The following ECI2 variants were observed in gnomAD, a reference collection of about 807,000 sequenced individuals.
ECI2 encodes the protein D3,D2-enoyl-CoA isomerase.
A neutral mutation model predicts 38.4 loss-of-function variants in ECI2; 27 were observed. The ratio of observed to expected loss-of-function variants is 0.70; its 90% CI spans 0.52 to 0.97. ECI2 has a LOEUF of 0.97. ECI2 is among the 50% of genes least tolerant of loss of function. ECI2 has a pLI of 0.00. For missense variants in ECI2, 470 were observed against 474.4 expected, an observed-to-expected ratio of 0.99 and a Z score of 0.09; for synonymous variants, 168 against 172.0, an observed-to-expected ratio of 0.98 and a Z score of 0.18.
At position 4,125,273 on chromosome 6, in the gene ECI2, C is replaced by G; in HGVS notation, c.772G>C (p.Asp258His). ...ACCCTGTCAGATGCATACACGGCAT[C>G]GAATAGCCCAAGGAGGGTGACGGAG... ...GISVTLLGLF[D>H]AVYASDRATF... Residue 258 changes from aspartate to histidine, a missense_variant, in exon 7 of 10, where the codon GAT becomes CAT. Physicochemically the swap from Asp to His is moderately conservative, Grantham distance 81. Coordinates refer to ENST00000380118, the MANE Select transcript of ECI2 (RefSeq NM_206836.3). The G allele has an allele frequency of 1.2e-6, 2 of 1,614,088 alleles. No individual in the cohort carries two copies. The highest frequency in any genetic ancestry group is 1.7e-6 in the Non-Finnish European group (2 of 1,180,022).
chr6:4,122,519 C>T (rs547816369), intron 7 of ECI2, among the ~76,000 whole-genome samples: 1 of 152,000 alleles, frequency 6.6e-6, no homozygotes, highest in African/African-American at 2.4e-5. Flanking sequence ...CCATGCCCAG[C>T]CTAGATTGTA....
At position 4,130,837 on chromosome 6, in the gene ECI2, T is replaced by G. The variant is rs146934579; in HGVS notation, c.242A>C (p.Lys81Thr). The G allele has an allele frequency of 1.9e-5, 30 of 1,614,108 alleles. No individual in the cohort carries two copies. The African/African-American group carries it at 2.3e-4, about 12-fold the overall frequency. The change falls in exon 3 of 10, where the codon AAA becomes ACA. Residue 81 changes from lysine (K) to threonine (T), a missense_variant. Lys to Thr is a moderately conservative substitution (Grantham distance 78). Coordinates refer to ENST00000380118, the MANE Select transcript of ECI2 (RefSeq NM_206836.3). ...QATEGPCNMP[K>T]PGVFDLINKA... ...GTTGATCAAGTCAAATACACCTGGT[T>G]TGGGCATGTTACAAGGTCCTTCAGT...
rs775254989 is a variant in ECI2 at position 4,117,267 on chromosome 6, A to T, written c.1029+41T>A. ...GGCAAATAAATTTTTCCCTTAGGAA[A>T]TCATTTTCAAGGTTCTTAGAAGTAA... On this transcript the variant is annotated intron_variant, in intron 9 of 9. Coordinates refer to ENST00000380118, the MANE Select transcript of ECI2 (RefSeq NM_206836.3). 19 of 1,549,914 alleles carry T rather than the reference A, an allele frequency of 1.2e-5. No individual in the cohort carries two copies. The East Asian group carries it at 3.2e-4, about 26-fold the overall frequency.
chr6:4,120,908 G>A (rs1454580200), intron 7 of ECI2, among the ~76,000 whole-genome samples: 1 of 152,098 alleles, frequency 6.6e-6, no homozygotes, highest in African/African-American at 2.4e-5. Context: ...TTAACAAAAA[G>A]GCAGTTAGGA....
chr6:4,127,189 T>G (rs1449474589), intron 5 of ECI2, among the ~76,000 whole-genome samples: 1 of 152,200 alleles, frequency 6.6e-6, no homozygotes, highest in Admixed American at 6.5e-5. Flanking sequence ...AGTCAACAAT[T>G]TGTTTATTCA....
chr6:4,120,199 G>A (rs984137660), intron 7 of ECI2, among the ~76,000 whole-genome samples: 11 of 152,136 alleles, frequency 7.2e-5, no homozygotes, highest in Non-Finnish European at 1.2e-4. Context: ...ATATCTAGTC[G>A]TGTGTTGCTT....
At position 4,117,447 on chromosome 6, in the gene ECI2, G is replaced by T; in HGVS notation, c.890C>A (p.Thr297Lys). 6.2e-7 allele frequency: 1 copy of T among 1,609,706 alleles called. No individual in the cohort carries two copies. Among genetic ancestry groups the T allele is most frequent in the African/African-American group, 1.3e-5 (1 of 74,632 alleles). Residue 297 changes from threonine (T) to lysine (K), a missense_variant, in exon 9 of 10, where the codon ACA (threonine) becomes AAA (lysine). Coordinates refer to ENST00000380118, the MANE Select transcript of ECI2 (RefSeq NM_206836.3). The part of the protein sequence containing the change: ...FPKIMSPAKA[T>K]EMLIFGKKLT... Reference sequence around the variant, plus strand: ...CTTCTTTCCAAAAATAAGCATCTCTGTTGCCTGAAATGAAAAGCAAGAAGC... The same window carrying T: ...CTTCTTTCCAAAAATAAGCATCTCTTTTGCCTGAAATGAAAAGCAAGAAGC...
At chr6:4,117,280 T>A (rs1177063306) in intron 9 of ECI2, 28 bp downstream of exon 9, 1 of 1,567,478 alleles carries the variant, frequency 6.4e-7, no homozygotes, top group Non-Finnish European at 8.6e-7. Context: ...ATTTTCAAGG[T>A]TCTTAGAAGT....
intron 1 of ECI2, among the ~76,000 whole-genome samples, chr6:4,134,441 C>T: frequency 6.6e-6 from 1 of 152,130 alleles, no homozygotes; most frequent in East Asian, 1.9e-4. Flanking sequence ...CGTTTTTAAG[C>T]ACACATAGTG....
Position 4,135,511 on chromosome 6 carries a change from C to T in ECI2, c.50G>A (p.Ser17Asn). ...CGAACGGCCGGGACTCCAAGCTTAC[C>T]TCGGACACGAACGCCGCGCCAGTCT... Reference protein sequence around the residue: ...AWRLARRSCPSSLQVTSFPVV... With the variant: ...AWRLARRSCPNSLQVTSFPVV... The change falls in exon 1 of 10, where the codon AGT (serine) becomes AAT (asparagine). Residue 17 changes from serine to asparagine, a missense_variant and splice_region_variant. Physicochemically the swap from Ser to Asn is conservative, Grantham distance 46. Transcript: ENST00000380118. The T allele has an allele frequency of 6.2e-7, 1 of 1,611,790 alleles. No individual in the cohort carries two copies. Among genetic ancestry groups the T allele is most frequent in the Non-Finnish European group, 8.5e-7 (1 of 1,179,404 alleles).
rs1486149413 is a variant in ECI2 at position 4,121,830 on chromosome 6, T to C, written c.796-2555A>G. The C allele has an allele frequency of 4.7e-5, 19 of 405,418 alleles. No individual in the cohort carries two copies. The East Asian group carries it at 6.4e-4, about 14-fold the overall frequency. The allele number at this position is 405,418 out of a possible 1,614,324, so 25.1% of individuals were successfully genotyped here. A position where few individuals can be genotyped will look rare whatever the true frequency, so the allele number is the denominator to read the frequency against. On this transcript the variant is annotated intron_variant, in intron 7 of 9. Transcript: ENST00000380118. ...CCTATAATCAGACACGCTGTTGTTTTTACTATATAACTGTTAGAAGATATA... is the reference window on the plus strand; with the variant it reads ...CCTATAATCAGACACGCTGTTGTTTCTACTATATAACTGTTAGAAGATATA...
chr6:4,117,338 C>T lies in ECI2; in HGVS notation c.999G>A (p.Arg333=). The change falls in exon 9 of 10, where the codon AGG becomes AGA. Residue 333 remains arginine (R), a synonymous_variant. Coordinates refer to ENST00000380118, the MANE Select transcript of ECI2 (RefSeq NM_206836.3). ...GGGGAAGCTTTGCAAATGCCTTCAGCCTGGTCCAGACTTCTTTCTGAAAAG... is the reference window on the plus strand; with the variant it reads ...GGGGAAGCTTTGCAAATGCCTTCAGTCTGGTCCAGACTTCTTTCTGAAAAG... ...DSTFQKEVWT[R]LKAFAKLPPN... is the part of the protein sequence containing the mutation. 6.2e-7 allele frequency: 1 copy of T among 1,612,900 alleles called. No individual in the cohort carries two copies. The highest frequency in any genetic ancestry group is 2.2e-5 in the East Asian group (1 of 44,858).
intron 1 of ECI2, among the ~76,000 whole-genome samples, chr6:4,134,686 G>T (rs559978106): frequency 6.6e-6 from 1 of 152,268 alleles, no homozygotes; most frequent in East Asian, 1.9e-4. Context: ...GATCAGCCTA[G>T]AGTAAGTTTT....
intron 1 of ECI2, among the ~76,000 whole-genome samples, chr6:4,133,989 G>A (rs925676383): frequency 7.8e-4 from 119 of 152,324 alleles, no homozygotes; most frequent in African/African-American, 2.6e-3. Flanking sequence ...GCCAGAACAG[G>A]AATGACCATG....
chr6:4,133,902 G>GCTAA (rs1773609147), intron 1 of ECI2, 191 bp from the exon 2 acceptor site: 5 of 533,066 alleles, frequency 9.4e-6, no homozygotes, highest in South Asian at 4.5e-5. Flanking sequence ...CAATACAGAA[G>GCTAA]CTAACAGTAG....
Position 4,122,035 on chromosome 6 carries a change from G to T in ECI2, c.796-2760C>A, listed in dbSNP as rs886886196. 2.5e-6 allele frequency: 4 copies of T among 1,596,458 alleles called. No individual in the cohort carries two copies. The African/African-American group carries it at 5.4e-5, about 21-fold the overall frequency. ...AGAAACCTGCCAACAACAGCTAAAGGGACACAAACAGGTACATGCAAAGTT... is the reference window on the plus strand; with the variant it reads ...AGAAACCTGCCAACAACAGCTAAAGTGACACAAACAGGTACATGCAAAGTT... On this transcript the variant is annotated intron_variant, in intron 7 of 9. Transcript: ENST00000380118.
intron 5 of ECI2, among the ~76,000 whole-genome samples, chr6:4,126,491 C>G (rs1362723042): frequency 6.6e-6 from 1 of 152,124 alleles, no homozygotes; most frequent in African/African-American, 2.4e-5. Flanking sequence ...GAGGGTTGGT[C>G]TAATCAGGGA....
intron 1 of ECI2, among the ~76,000 whole-genome samples, chr6:4,134,547 C>T (rs1262951081): frequency 1.3e-5 from 2 of 151,948 alleles, no homozygotes; most frequent in African/African-American, 4.8e-5. Context: ...GAGTTAATGG[C>T]AAAAAAGATG....
At chr6:4,132,921 G>A (rs1046835564) in intron 2 of ECI2, among the ~76,000 whole-genome samples, 1 of 151,968 alleles carries the variant, frequency 6.6e-6, no homozygotes, top group East Asian at 1.9e-4. Flanking sequence ...TGCGCCACCA[G>A]TCCAGCTCAT....
Sources: gnomAD v4.1 joint callset for allele counts (sites outside exome capture counted in the v4.1 genomes callset) on GRCh38, gnomAD v4.1.1 for gene constraint, MANE v1.5 for transcripts, NCBI Gene and HGNC (gene_info 2026-07-23, HGNC 2026-07-21) for gene names.